CDKAL1: variants seen among roughly 807,000 people sequenced by gnomAD.
CDKAL1 encodes threonylcarbamoyladenosine tRNA methylthiotransferase.
Under a neutral mutation model 68.2 loss-of-function variants are expected in CDKAL1, and 32 were observed. The ratio of observed to expected loss-of-function variants is 0.47; its 90% CI spans 0.35 to 0.63. The LOEUF is 0.63. Among genes scored for constraint, CDKAL1 ranks in the 30% least tolerant of loss-of-function variants. CDKAL1 has a pLI of 0.00. For missense variants in CDKAL1, 606 were observed against 696.7 expected (o/e 0.87, Z 1.47); for synonymous variants, 234 against 244.3 (o/e 0.96, Z 0.39).
intron 13 of CDKAL1, among the ~76,000 whole-genome samples, chr6:21,182,745 A>G (rs537750871): frequency 1.3e-5 from 2 of 152,332 alleles, no homozygotes; most frequent in Non-Finnish European, 2.9e-5. Context: ...CAATTGAAAA[A>G]CATTAAGAAA....
chr6:21,193,626 A>G (rs915693643), intron 13 of CDKAL1, among the ~76,000 whole-genome samples: 1 of 152,080 alleles, frequency 6.6e-6, no homozygotes, highest in Non-Finnish European at 1.5e-5. Flanking sequence ...TTTGTCCCCT[A>G]CTGACCAATC....
At chr6:21,065,252 AT>A in intron 12 of CDKAL1, 24 bp downstream of exon 12, 1 of 1,580,614 alleles carries the variant, frequency 6.3e-7, no homozygotes, top group Non-Finnish European at 8.6e-7. Flanking sequence ...CTTGTAAGGT[AT>A]TGTTTTTTGC....
chr6:20,692,855 G>A lies in CDKAL1; in HGVS notation c.371+43478G>A, dbSNP rs978662860. On this transcript the variant is annotated intron_variant, in intron 5 of 15. Transcript: ENST00000274695. ...TTAAAAGACAGTTGTGGCCGGGTGC[G>A]GTGGCTCACACTTGTAATCCCAGCA... is the stretch of plus-strand genomic sequence containing the variant. Among the ~76,000 whole-genome samples the A allele has an allele frequency of 7.9e-5, 12 of 152,028 alleles. No individual in the cohort carries two copies. In the South Asian group the frequency reaches 1.9e-3, roughly 24 times the overall value.
At chr6:20,891,337 C>T (rs752475582) in intron 9 of CDKAL1, among the ~76,000 whole-genome samples, 2 of 152,060 alleles carry the variant, frequency 1.3e-5, no homozygotes, top group Non-Finnish European at 1.5e-5. Context: ...TGAGCTCTGA[C>T]GTGATCATTT....
intron 8 of CDKAL1, among the ~76,000 whole-genome samples, chr6:20,819,974 A>G (rs1411459499): frequency 4.6e-5 from 7 of 152,200 alleles, no homozygotes; most frequent in Non-Finnish European, 1.0e-4. Context: ...CCGCAGCAGC[A>G]CTACGTAGAA....
chr6:20,764,435 A>G (rs1031008457), intron 7 of CDKAL1, among the ~76,000 whole-genome samples: 1 of 152,148 alleles, frequency 6.6e-6, no homozygotes, highest in Non-Finnish European at 1.5e-5. Flanking sequence ...GTTTTTTCCT[A>G]ACTTCTCAGT....
chr6:21,000,232 G>A lies in CDKAL1; in HGVS notation c.915G>A (p.Met305Ile). Reference sequence around the variant, plus strand: ...TCTCCTTCCATTTTTTTAAGGAAATGGCAAAAATCCTTAATCACCCCAGAG... The same window carrying A: ...TCTCCTTCCATTTTTTTAAGGAAATAGCAAAAATCCTTAATCACCCCAGAG... ...PPYILEHLEE[M>I]AKILNHPRVY... is the part of the protein sequence containing the mutation. The change falls in exon 11 of 16, where the codon ATG becomes ATA. Residue 305 changes from methionine (M) to isoleucine (I), a missense_variant. Coordinates refer to ENST00000274695, the MANE Select transcript of CDKAL1 (RefSeq NM_017774.3). 6.2e-7 allele frequency: 1 copy of A among 1,606,758 alleles called. No homozygotes were observed.
At chr6:20,567,938 C>T (rs1581738042) in intron 4 of CDKAL1, among the ~76,000 whole-genome samples, 1 of 151,716 alleles carries the variant, frequency 6.6e-6, no homozygotes, top group South Asian at 2.1e-4. Flanking sequence ...TGCAGTGGCG[C>T]GATCTCGGCT....
At chr6:20,982,260 T>C (rs1337833151) in intron 10 of CDKAL1, among the ~76,000 whole-genome samples, 4 of 152,006 alleles carry the variant, frequency 2.6e-5, no homozygotes, top group African/African-American at 9.7e-5. Flanking sequence ...AATTTCACCA[T>C]GTTGCCCAGG....
intron 9 of CDKAL1, among the ~76,000 whole-genome samples, chr6:20,896,103 C>CTTT (rs777787310): frequency 1.0e-4 from 9 of 90,144 alleles, no homozygotes; most frequent in Admixed American, 4.1e-4. Context: ...CTTTTCTTTT[C>CTTT]TTTTTTTTTT....
chr6:21,172,660 G>C (rs185128298), intron 13 of CDKAL1, among the ~76,000 whole-genome samples: 2 of 152,182 alleles, frequency 1.3e-5, no homozygotes, highest in East Asian at 1.9e-4. Context: ...AGAAGGCTGA[G>C]GGGGGAGGAT....
At chr6:20,951,444 C>T (rs1227896555) in intron 9 of CDKAL1, among the ~76,000 whole-genome samples, 1 of 152,168 alleles carries the variant, frequency 6.6e-6, no homozygotes, top group Non-Finnish European at 1.5e-5. Context: ...TTTAGGTCTT[C>T]TACTTCCGTC....
chr6:20,808,008 A>G (rs7748911), intron 8 of CDKAL1, among the ~76,000 whole-genome samples: 146,049 of 152,340 alleles, frequency 0.96, 70,020 homozygotes, highest in East Asian at 1. Context: ...TACTATAGAT[A>G]CCTTCCAAGT....
intron 4 of CDKAL1, among the ~76,000 whole-genome samples, chr6:20,586,051 A>T (rs1489554205): frequency 1.3e-5 from 2 of 152,210 alleles, no homozygotes; most frequent in African/African-American, 4.8e-5. Flanking sequence ...GGAGTCAAGG[A>T]TAACTACTTG....
intron 4 of CDKAL1, among the ~76,000 whole-genome samples, chr6:20,641,230 G>C (rs1007276166): frequency 5.9e-5 from 9 of 152,064 alleles, no homozygotes; most frequent in African/African-American, 2.2e-4. Flanking sequence ...ATAAAAGGAA[G>C]CTATTGATTC....
At chr6:20,893,584 A>C (rs1358161699) in intron 9 of CDKAL1, among the ~76,000 whole-genome samples, 1 of 152,150 alleles carries the variant, frequency 6.6e-6, no homozygotes, top group Non-Finnish European at 1.5e-5. Flanking sequence ...ATTGTTTCTA[A>C]GGCTTTCTAT....
At chr6:21,021,626 A>G (rs1317814871) in intron 11 of CDKAL1, among the ~76,000 whole-genome samples, 1 of 152,246 alleles carries the variant, frequency 6.6e-6, no homozygotes, top group African/African-American at 2.4e-5. Flanking sequence ...TAAATATGTA[A>G]TAGTTACATA....
chr6:20,658,738 T>C (rs1769145276), intron 5 of CDKAL1, among the ~76,000 whole-genome samples: 1 of 152,186 alleles, frequency 6.6e-6, no homozygotes. Flanking sequence ...TTTAAAAGAA[T>C]TAAAAAAAAC....
At chr6:21,057,740 T>G (rs1239201485) in intron 11 of CDKAL1, among the ~76,000 whole-genome samples, 2 of 152,220 alleles carry the variant, frequency 1.3e-5, no homozygotes, top group Non-Finnish European at 2.9e-5. Context: ...TCAAAGAACT[T>G]TTTAATTTCT....
Sources: allele counts gnomAD v4.1 joint callset (sites outside exome capture counted in the v4.1 genomes callset), GRCh38; gene constraint gnomAD v4.1.1; transcripts MANE v1.5; gene names NCBI Gene and HGNC (gene_info 2026-07-23, HGNC 2026-07-21).